Variants in CERS6 observed in about 807,000 individuals in gnomAD.
CERS6 encodes the protein LAG1 homolog, ceramide synthase 6.
CERS6 carries 26 observed loss-of-function variants against 56.8 expected under a neutral mutation model. The ratio of observed to expected loss-of-function variants is 0.46; its 90% CI spans 0.34 to 0.63. The LOEUF (loss-of-function observed/expected upper bound fraction) is 0.63. CERS6 is among the 30% of genes least tolerant of loss of function. The pLI, the probability that CERS6 is intolerant of heterozygous loss-of-function variation, is 0.01. For synonymous variants in CERS6, 164 were observed against 173.3 expected (o/e 0.95, Z 0.42); for missense variants, 415 against 467.5 (o/e 0.89, Z 1.04).
intron 3 of CERS6, among the ~76,000 whole-genome samples, chr2:168,615,749 G>A (rs766965581): frequency 2.4e-4 from 37 of 152,256 alleles, no homozygotes; most frequent in Admixed American, 3.9e-4. Context: ...AAGAATAATC[G>A]GTGTTCCTGA....
At chr2:168,521,180 A>G (rs1230590894) in intron 1 of CERS6, among the ~76,000 whole-genome samples, 1 of 152,200 alleles carries the variant, frequency 6.6e-6, no homozygotes, top group Non-Finnish European at 1.5e-5. Flanking sequence ...CTGGAAAGTA[A>G]CAGAAGAGAT....
intron 1 of CERS6, among the ~76,000 whole-genome samples, chr2:168,496,393 AT>A (rs144633373): frequency 0.043 from 6,604 of 151,996 alleles, 272 homozygotes; most frequent in African/African-American, 0.11. Context: ...ACAACTAAAG[AT>A]TTGAGCTAGA....
At chr2:168,511,412 G>A (rs139652385) in intron 1 of CERS6, among the ~76,000 whole-genome samples, 3 of 152,200 alleles carry the variant, frequency 2.0e-5, no homozygotes, top group Admixed American at 1.3e-4. Flanking sequence ...TTGAAACTTC[G>A]AAGCCATTGC....
intron 9 of CERS6, 51 bp from the exon 10 acceptor site, chr2:168,769,459 C>T (rs763655070): frequency 3.4e-6 from 5 of 1,488,840 alleles, no homozygotes; most frequent in African/African-American, 1.4e-5. Context: ...GCATGCCATA[C>T]CTTGATGATT....
At chr2:168,625,314 G>A (rs1684566142) in intron 3 of CERS6, among the ~76,000 whole-genome samples, 1 of 152,074 alleles carries the variant, frequency 6.6e-6, no homozygotes, top group African/African-American at 2.4e-5. Context: ...ATTTCTATCA[G>A]ATTGATTGAT....
intron 1 of CERS6, among the ~76,000 whole-genome samples, chr2:168,532,920 AT>A (rs986237897): frequency 5.3e-5 from 8 of 152,276 alleles, no homozygotes; most frequent in East Asian, 1.9e-4. Context: ...ATTTCTGAGC[AT>A]TTTTTTATGT....
rs73973403 is a variant in CERS6 at position 168,681,536 on chromosome 2, T to G, written c.466-9498T>G. On this transcript the variant is annotated intron_variant, in intron 4 of 9. Coordinates refer to ENST00000305747, the MANE Select transcript of CERS6 (RefSeq NM_203463.3). Reference sequence around the variant, plus strand: ...TTTGATATGCAATTTTACATATTTTTGGGGTACGGTGTGATAGTTCAGTAC... The same window carrying G: ...TTTGATATGCAATTTTACATATTTTGGGGGTACGGTGTGATAGTTCAGTAC... Among the ~76,000 whole-genome samples, 1,242 of 152,302 alleles carry G rather than the reference T, an allele frequency of 8.2e-3. 16 individuals carry two copies. The highest frequency in any genetic ancestry group is 0.028 in the African/African-American group (1,169 of 41,530).
At chr2:168,750,403 A>G (rs1465770540) in intron 8 of CERS6, among the ~76,000 whole-genome samples, 2 of 152,238 alleles carry the variant, frequency 1.3e-5, no homozygotes, top group Non-Finnish European at 2.9e-5. Context: ...TTTCAATCCT[A>G]TAGTTCTGAG....
chr2:168,557,122 G>A (rs151129779), intron 2 of CERS6, among the ~76,000 whole-genome samples: 51 of 151,882 alleles, frequency 3.4e-4, no homozygotes, highest in East Asian at 3.1e-3. Context: ...CCGTGATGGC[G>A]CCACTGTACC....
chr2:168,459,200 T>G (rs1267883600), intron 1 of CERS6, among the ~76,000 whole-genome samples: 1 of 152,264 alleles, frequency 6.6e-6, no homozygotes, highest in African/African-American at 2.4e-5. Context: ...AAATACCCGA[T>G]TATCCAAGTC....
chr2:168,577,695 C>G (rs1210671646), intron 3 of CERS6, among the ~76,000 whole-genome samples: 1 of 152,082 alleles, frequency 6.6e-6, no homozygotes, highest in East Asian at 1.9e-4. Context: ...GAGGGAAGTC[C>G]AGACAGGGGC....
In CERS6 at chr2:168,478,985, C is replaced by T. The variant is rs115598483; in HGVS notation, c.170+22367C>T. Among the ~76,000 whole-genome samples, 1,254 of 152,222 alleles carry T rather than the reference C, an allele frequency of 8.2e-3. 21 individuals carry two copies. Among genetic ancestry groups the T allele is most frequent in the African/African-American group, 0.029 (1,204 of 41,542 alleles). On this transcript the variant is annotated intron_variant, in intron 1 of 9. Coordinates refer to ENST00000305747, the MANE Select transcript of CERS6 (RefSeq NM_203463.3). ...ATTTTGGTGTGAGAGATGAGAACTTCGTTAATTTTGGTGTCAGAAATGGGA... is the reference window on the plus strand; with the variant it reads ...ATTTTGGTGTGAGAGATGAGAACTTTGTTAATTTTGGTGTCAGAAATGGGA...
intron 1 of CERS6, among the ~76,000 whole-genome samples, chr2:168,486,833 A>G (rs563595131): frequency 2.0e-5 from 3 of 152,286 alleles, no homozygotes; most frequent in African/African-American, 7.2e-5. Flanking sequence ...CTTGTGACAC[A>G]GTGAAAGGAA....
chr2:168,472,630 A>G (rs1453082222), intron 1 of CERS6, among the ~76,000 whole-genome samples: 2 of 152,228 alleles, frequency 1.3e-5, no homozygotes, highest in African/African-American at 4.8e-5. Context: ...GTGAGAAAGT[A>G]AGAGAAAGGC....
At chr2:168,469,258 G>A in intron 1 of CERS6, among the ~76,000 whole-genome samples, 1 of 152,094 alleles carries the variant, frequency 6.6e-6, no homozygotes, top group Non-Finnish European at 1.5e-5. Flanking sequence ...TTCAACTATA[G>A]GCACTTTTCC....
intron 8 of CERS6, among the ~76,000 whole-genome samples, chr2:168,743,517 C>T (rs1683990299): frequency 1.3e-5 from 2 of 150,034 alleles, no homozygotes; most frequent in South Asian, 2.1e-4. Flanking sequence ...TGCCTGTAGT[C>T]CCAGCTACTT....
chr2:168,710,146 T>C (rs1470840958), intron 6 of CERS6, among the ~76,000 whole-genome samples: 2 of 152,200 alleles, frequency 1.3e-5, no homozygotes, highest in Non-Finnish European at 2.9e-5. Flanking sequence ...AAATTTTGTC[T>C]AAAAAACAAG....
At chr2:168,604,395 G>C (rs200370603) in intron 3 of CERS6, among the ~76,000 whole-genome samples, 4,541 of 145,530 alleles carry the variant, frequency 0.031, 203 homozygotes, top group African/African-American at 0.1. Context: ...GTATACGTGT[G>C]TGTGTGTGTG....
At chr2:168,691,204 C>G (rs891612086) in intron 5 of CERS6, 120 bp downstream of exon 5, 4 of 816,784 alleles carry the variant, frequency 4.9e-6, no homozygotes, top group Non-Finnish European at 8.6e-6. Flanking sequence ...GCCCCACTCC[C>G]GCTGATCAGT....
Sources: gnomAD v4.1 joint callset for allele counts (sites outside exome capture counted in the v4.1 genomes callset) on GRCh38, gnomAD v4.1.1 for gene constraint, MANE v1.5 for transcripts, NCBI Gene and HGNC (gene_info 2026-07-23, HGNC 2026-07-21) for gene names.